Variants in FGF14 observed in about 807,000 individuals in gnomAD.
FGF14 encodes fibroblast growth factor homologous factor 4.
In FGF14, 5 loss-of-function variants were observed where a neutral mutation model predicts 25.5. The observed-to-expected ratio is 0.20, with a 90% CI of 0.10 to 0.41. The LOEUF (loss-of-function observed/expected upper bound fraction) is 0.41. FGF14 is among the 10% of genes least tolerant of loss of function. The pLI is 1.00. For synonymous variants in FGF14, 138 were observed against 118.3 expected, an observed-to-expected ratio of 1.17 and a Z score of -1.08; for missense variants, 222 against 320.1, an observed-to-expected ratio of 0.69 and a Z score of 2.34.
intron 1 of FGF14, among the ~76,000 whole-genome samples, chr13:102,223,601 T>C (rs1476376848): frequency 2.0e-5 from 3 of 152,200 alleles, no homozygotes; most frequent in Non-Finnish European, 2.9e-5. Flanking sequence ...TTTTGGTCTA[T>C]GGCTTTCAGA....
chr13:102,065,490 A>C (rs2042865021), intron 1 of FGF14, among the ~76,000 whole-genome samples: 1 of 152,156 alleles, frequency 6.6e-6, no homozygotes, highest in African/African-American at 2.4e-5. Flanking sequence ...TGATTCCAGA[A>C]GTATAAGGAA....
chr13:101,769,415 C>A (rs1226723352), intron 3 of FGF14, among the ~76,000 whole-genome samples: 1 of 152,020 alleles, frequency 6.6e-6, no homozygotes, highest in African/African-American at 2.4e-5. Context: ...AACAACTAAA[C>A]ATTGTCTTAC....
chr13:102,249,533 G>A (rs183242057), intron 1 of FGF14, among the ~76,000 whole-genome samples: 112 of 147,932 alleles, frequency 7.6e-4, no homozygotes, highest in African/African-American at 2.7e-3. Context: ...GAGAATTATG[G>A]TATGGTACTG....
At chr13:101,741,580 T>A (rs2139784082) in intron 3 of FGF14, among the ~76,000 whole-genome samples, 1 of 151,998 alleles carries the variant, frequency 6.6e-6, no homozygotes, top group Admixed American at 6.5e-5. Context: ...ATCCACCATT[T>A]ACAAATTCAT....
rs931517956 is a variant in FGF14 at position 101,809,802 on chromosome 13, G to C, written c.408+58923C>G. Reference sequence around the variant, plus strand: ...TTGATAGATGTCAACCCAGCAAACAGAGCCAGCTATCCAATAAATTAATTT... The same window carrying C: ...TTGATAGATGTCAACCCAGCAAACACAGCCAGCTATCCAATAAATTAATTT... On this transcript the variant is annotated intron_variant, in intron 3 of 4. Transcript: ENST00000376143. 5.9e-5 allele frequency among the ~76,000 whole-genome samples: 9 copies of C among 152,242 alleles called. No individual in the cohort carries two copies. In the South Asian group the frequency reaches 1.7e-3, roughly 28 times the overall value.
chr13:102,328,512 T>C (rs550815120), intron 1 of FGF14, among the ~76,000 whole-genome samples: 2 of 152,336 alleles, frequency 1.3e-5, no homozygotes, highest in Admixed American at 6.5e-5. Flanking sequence ...TTTGCTAGAA[T>C]ATTAGTCTGC....
intron 1 of FGF14, among the ~76,000 whole-genome samples, chr13:102,206,497 A>G (rs1454505180): frequency 6.6e-6 from 1 of 152,110 alleles, no homozygotes; most frequent in Admixed American, 6.5e-5. Context: ...CCTAGCCAAC[A>G]TGATGAAAAC....
intron 1 of FGF14, among the ~76,000 whole-genome samples, chr13:102,295,654 CAT>C (rs2141288396): frequency 6.6e-6 from 1 of 152,258 alleles, no homozygotes; most frequent in South Asian, 2.1e-4. Context: ...CAGAGAGAAA[CAT>C]AAAGTCCAAG....
chr13:102,046,401 C>G (rs1171587728), intron 1 of FGF14, among the ~76,000 whole-genome samples: 1 of 151,990 alleles, frequency 6.6e-6, no homozygotes, highest in Non-Finnish European at 1.5e-5. Flanking sequence ...ATAAAGAACA[C>G]TAAGAGAAAA....
At chr13:102,157,089 C>A (rs903556124) in intron 1 of FGF14, among the ~76,000 whole-genome samples, 4 of 152,092 alleles carry the variant, frequency 2.6e-5, no homozygotes, top group African/African-American at 4.8e-5. Context: ...TGCCCAAGGT[C>A]ATTTACAGAT....
chr13:102,050,762 G>A (rs1303892816), intron 1 of FGF14, among the ~76,000 whole-genome samples: 1 of 152,066 alleles, frequency 6.6e-6, no homozygotes, highest in African/African-American at 2.4e-5. Context: ...AAAATTGGCA[G>A]CAATACAGTA....
chr13:102,257,112 T>C (rs2052478364), intron 1 of FGF14, among the ~76,000 whole-genome samples: 1 of 152,090 alleles, frequency 6.6e-6, no homozygotes, highest in Non-Finnish European at 1.5e-5. Flanking sequence ...AAGCATCAGC[T>C]AACTTAAAAT....
At chr13:102,189,111 TAGAG>T (rs1282199675) in intron 1 of FGF14, among the ~76,000 whole-genome samples, 6 of 127,834 alleles carry the variant, frequency 4.7e-5, no homozygotes, top group African/African-American at 9.7e-5. Context: ...GAGAGAGAGA[TAGAG>T]AGAGAGAGAG....
At chr13:101,867,776 A>C (rs2140441651) in intron 3 of FGF14, among the ~76,000 whole-genome samples, 1 of 152,198 alleles carries the variant, frequency 6.6e-6, no homozygotes, top group Middle Eastern at 3.4e-3. Flanking sequence ...TGAGCTCAGC[A>C]TGAAGGGAAT....
intron 1 of FGF14, among the ~76,000 whole-genome samples, chr13:102,355,590 C>T (rs955257286): frequency 5.3e-5 from 8 of 149,706 alleles, no homozygotes; most frequent in African/African-American, 2.0e-4. Context: ...GAAATTGTTA[C>T]CCCAAATAAC....
At chr13:102,189,017 TGAAAGAAGAAAA>T (rs1170295584) in intron 1 of FGF14, among the ~76,000 whole-genome samples, 174 of 67,786 alleles carry the variant, frequency 2.6e-3, no homozygotes, top group Middle Eastern at 0.016. Context: ...AGAGAAAGAA[TGAAAGAAGAAAA>T]GAAAGAAAGA....
At chr13:101,868,530 T>C (rs113464217) in intron 3 of FGF14, 195 bp downstream of exon 3, 1 of 592,330 alleles carries the variant, frequency 1.7e-6, no homozygotes. Context: ...GACATAGTAT[T>C]ACACTTCCTT....
intron 1 of FGF14, among the ~76,000 whole-genome samples, chr13:102,225,502 G>A (rs1594480729): frequency 6.6e-6 from 1 of 152,120 alleles, no homozygotes. Context: ...AATGCAAATT[G>A]TATGTCTCTC....
chr13:102,163,834 C>T (rs1300414672), intron 1 of FGF14, among the ~76,000 whole-genome samples: 2 of 151,364 alleles, frequency 1.3e-5, no homozygotes, highest in Non-Finnish European at 2.9e-5. Flanking sequence ...TCAGACTTGC[C>T]CCCCCCAGAA....
Sources: gnomAD v4.1 joint callset for allele counts (sites outside exome capture counted in the v4.1 genomes callset) on GRCh38, gnomAD v4.1.1 for gene constraint, MANE v1.5 for transcripts, NCBI Gene and HGNC (gene_info 2026-07-23, HGNC 2026-07-21) for gene names.